Variants in CWH43 observed in about 807,000 individuals in gnomAD.
The protein encoded by CWH43 is cell wall biogenesis 43 C-terminal homolog.
In CWH43, 91 loss-of-function variants were observed where a neutral mutation model predicts 85.7. The ratio of observed to expected loss-of-function variants is 1.06; its 90% CI spans 0.90 to 1.26. The LOEUF is 1.26. CWH43 is among the 50% of genes most tolerant of loss of function. The pLI is 0.00. For synonymous variants in CWH43, 323 were observed against 293.6 expected (o/e 1.10, Z -1.02); for missense variants, 869 against 839.2 (o/e 1.04, Z -0.44).
intron 8 of CWH43, among the ~76,000 whole-genome samples, chr4:49,010,994 G>A (rs571799555): frequency 0.013 from 2,042 of 152,158 alleles, 28 homozygotes; most frequent in Non-Finnish European, 0.02. Context: ...TATTAGTTCC[G>A]CTTGGTGCAG....
chr4:49,059,542 T>A (rs901314839), intron 15 of CWH43, among the ~76,000 whole-genome samples: 3 of 152,232 alleles, frequency 2.0e-5, no homozygotes, highest in Non-Finnish European at 2.9e-5. Context: ...CCCTGGTATC[T>A]GTACATTTGA....
intron 6 of CWH43, among the ~76,000 whole-genome samples, chr4:49,000,057 A>G (rs1782940962): frequency 6.7e-6 from 1 of 149,352 alleles, no homozygotes; most frequent in African/African-American, 2.5e-5. Context: ...GACTCTAAGT[A>G]AAAAAAAAAC....
chr4:49,046,102 A>C (rs1437223615), intron 14 of CWH43, among the ~76,000 whole-genome samples: 1 of 151,878 alleles, frequency 6.6e-6, no homozygotes, highest in East Asian at 1.9e-4. Context: ...TTATACTGTA[A>C]GTTTTAGGGT....
chr4:49,028,900 A>G (rs957105825), intron 10 of CWH43, among the ~76,000 whole-genome samples, 166 bp downstream of exon 10: 1 of 152,226 alleles, frequency 6.6e-6, no homozygotes, highest in Non-Finnish European at 1.5e-5. Context: ...ACGCAGCTGC[A>G]GGGGGACTGA....
At chr4:49,052,414 G>C (rs1002827337) in intron 15 of CWH43, among the ~76,000 whole-genome samples, 8 of 152,162 alleles carry the variant, frequency 5.3e-5, no homozygotes, top group African/African-American at 1.4e-4. Context: ...GGCACAAAAA[G>C]TTTTTAGAAT....
In CWH43 at chr4:49,002,638, T is replaced by A. The variant is rs183523464; in HGVS notation, c.803-1097T>A. Among the ~76,000 whole-genome samples the A allele has an allele frequency of 2.1e-4, 32 of 152,246 alleles. No individual in the cohort carries two copies. The East Asian group carries it at 3.1e-3, about 15-fold the overall frequency. On this transcript the variant is annotated intron_variant, in intron 6 of 15. Transcript: ENST00000226432. ...GTTGTTTTATTTTAAAATGAAAAAA[T>A]TCCATTGAGAATCTAGGTATTTGAA...
chr4:49,023,043 G>A (rs564697250), intron 9 of CWH43, among the ~76,000 whole-genome samples: 3 of 151,924 alleles, frequency 2.0e-5, no homozygotes, highest in Non-Finnish European at 4.4e-5. Context: ...ATTTAATTCT[G>A]CTCTGATTTT....
At chr4:48,988,695 T>C in intron 2 of CWH43, 27 bp downstream of exon 2, 1 of 1,459,958 alleles carries the variant, frequency 6.8e-7, no homozygotes, top group South Asian at 1.4e-5. Context: ...TTTCTTTAAG[T>C]TGTTTTTTTT....
At chr4:48,999,010 T>G (rs2109753873) in intron 6 of CWH43, among the ~76,000 whole-genome samples, 1 of 152,292 alleles carries the variant, frequency 6.6e-6, no homozygotes, top group South Asian at 2.1e-4. Flanking sequence ...TGGGGGTTTG[T>G]TGTACAGATT....
chr4:48,987,753 A>G (rs189106378), intron 1 of CWH43, among the ~76,000 whole-genome samples: 2 of 152,288 alleles, frequency 1.3e-5, no homozygotes, highest in East Asian at 3.9e-4. Context: ...GGTACAACTT[A>G]CTTCAGATCT....
intron 6 of CWH43, among the ~76,000 whole-genome samples, chr4:48,999,194 C>T (rs113159215): frequency 0.016 from 2,459 of 152,272 alleles, 32 homozygotes; most frequent in Non-Finnish European, 0.026. Context: ...TCTGTTCCTG[C>T]ATTAGTTTGC....
At chr4:48,991,342 C>A in intron 2 of CWH43, 112 bp from the exon 3 acceptor site, 1 of 1,077,664 alleles carries the variant, frequency 9.3e-7, no homozygotes, top group Non-Finnish European at 1.3e-6. Flanking sequence ...TATACATCAA[C>A]TCTGTCTTCC....
intron 9 of CWH43, among the ~76,000 whole-genome samples, chr4:49,018,205 G>T (rs1045956408): frequency 8.5e-5 from 13 of 152,048 alleles, no homozygotes; most frequent in African/African-American, 3.1e-4. Context: ...ACCAAAGGGG[G>T]TGTTTTATCA....
chr4:49,027,017 A>T (rs552168754), intron 9 of CWH43, among the ~76,000 whole-genome samples: 6 of 152,270 alleles, frequency 3.9e-5, no homozygotes, highest in Admixed American at 2.6e-4. Context: ...ATTTTATTTT[A>T]CTTGCAATGG....
intron 1 of CWH43, among the ~76,000 whole-genome samples, chr4:48,987,600 T>C (rs1023959438): frequency 3.9e-5 from 6 of 152,200 alleles, no homozygotes; most frequent in African/African-American, 1.2e-4. Context: ...GCGGAAATAG[T>C]ACCCACCTCA....
intron 9 of CWH43, among the ~76,000 whole-genome samples, chr4:49,022,335 A>T (rs1370052472): frequency 6.6e-6 from 1 of 152,118 alleles, no homozygotes; most frequent in Non-Finnish European, 1.5e-5. Context: ...AATTCTGTTT[A>T]TGTGGTGTAT....
intron 7 of CWH43, among the ~76,000 whole-genome samples, chr4:49,006,351 G>A (rs772268432): frequency 1.3e-5 from 2 of 152,104 alleles, no homozygotes; most frequent in Non-Finnish European, 2.9e-5. Flanking sequence ...AAAAATAAGA[G>A]TGATGTTATT....
intron 5 of CWH43, 61 bp from the exon 6 acceptor site, chr4:48,998,399 A>T: frequency 7.8e-7 from 1 of 1,279,122 alleles, no homozygotes; most frequent in Non-Finnish European, 1.1e-6. Context: ...TTTCTATTTT[A>T]TATTCGGGAT....
At chr4:49,007,046 A>T in intron 7 of CWH43, 155 bp from the exon 8 acceptor site, 1 of 768,854 alleles carries the variant, frequency 1.3e-6, no homozygotes. Context: ...TATCAAAAGC[A>T]CTACTAGAGT....
Sources: allele counts gnomAD v4.1 joint callset (sites outside exome capture counted in the v4.1 genomes callset), GRCh38; gene constraint gnomAD v4.1.1; transcripts MANE v1.5; gene names NCBI Gene and HGNC (gene_info 2026-07-23, HGNC 2026-07-21).